PHGDH: variants seen among roughly 807,000 people sequenced by gnomAD.
PHGDH encodes the protein D-3-phosphoglycerate dehydrogenase.
Under a neutral mutation model 52.6 loss-of-function variants are expected in PHGDH, and 50 were observed. The observed-to-expected ratio is 0.95, with a 90% confidence interval of 0.76 to 1.20. PHGDH has a LOEUF of 1.20. Ranked by LOEUF, PHGDH falls within the 50% of genes most tolerant of loss-of-function variation. PHGDH has a pLI of 0.00. For missense variants in PHGDH, 630 were observed against 684.6 expected (o/e 0.92, Z 0.89); for synonymous variants, 271 against 280.5 (o/e 0.97, Z 0.34).
rs367917607 is a variant in PHGDH at position 119,741,916 on chromosome 1, C to T, written c.1209+19C>T. ...CCTCAATGTGCGCCCCTCTCCCCCA[C>T]GCTGCCTCCCCATCCCTGTCAGCAC... On this transcript the variant is annotated intron_variant, in intron 10 of 11. Transcript: ENST00000641023. 2.9e-4 allele frequency: 466 copies of T among 1,606,122 alleles called. 3 individuals are homozygous for T. In the Middle Eastern group the frequency reaches 0.017, roughly 59 times the overall value.
chr1:119,725,614 T>C (rs1298879576), intron 3 of PHGDH, among the ~76,000 whole-genome samples: 1 of 152,214 alleles, frequency 6.6e-6, no homozygotes, highest in Non-Finnish European at 1.5e-5. Flanking sequence ...GCCTCTGTGA[T>C]GGAGGACAGA....
At chr1:119,740,809 T>G (rs1018135273) in intron 9 of PHGDH, among the ~76,000 whole-genome samples, 2 of 152,188 alleles carry the variant, frequency 1.3e-5, no homozygotes, top group African/African-American at 2.4e-5. Flanking sequence ...GAGAGTTTCA[T>G]GCGAGAGGTC....
chr1:119,713,629 A>C (rs918135963), intron 1 of PHGDH, among the ~76,000 whole-genome samples: 6 of 152,202 alleles, frequency 3.9e-5, no homozygotes, highest in Admixed American at 2.6e-4. Flanking sequence ...GCAAGGGCTT[A>C]GGACTTGAGT....
At chr1:119,717,479 C>T (rs377249809) in intron 1 of PHGDH, among the ~76,000 whole-genome samples, 20 of 152,024 alleles carry the variant, frequency 1.3e-4, no homozygotes, top group African/African-American at 4.6e-4. Context: ...TTTCCCAATC[C>T]GAGTCATAAA....
chr1:119,740,270 G>A, intron 8 of PHGDH, 116 bp from the exon 9 acceptor site: 2 of 1,039,518 alleles, frequency 1.9e-6, no homozygotes, highest in South Asian at 1.4e-5. Context: ...CAGGCACCAA[G>A]GCAGGAGTGA....
At position 119,744,192 on chromosome 1, in the gene PHGDH, G is replaced by A. The variant is rs587635276; in HGVS notation, c.*152G>A. On this transcript the variant is annotated 3_prime_UTR_variant, in exon 12 of 12. Coordinates refer to ENST00000641023, the MANE Select transcript of PHGDH (RefSeq NM_006623.4). ...CTGACCCTGTAGTACAGCAATAACC[G>A]TCTAATAAAGAGCCTACCCCCAACT... 36 of 737,894 alleles carry A rather than the reference G, an allele frequency of 4.9e-5. No homozygotes were observed. The highest frequency in any genetic ancestry group is 4.3e-4 in the African/African-American group (25 of 58,520). 45.7% of individuals were successfully genotyped at this position (737,894 alleles called of 1,614,324 possible).
intron 3 of PHGDH, chr1:119,724,529 G>T (rs1651314978): frequency 2.8e-6 from 1 of 361,218 alleles, no homozygotes; most frequent in Non-Finnish European, 5.4e-6. Context: ...ACAGCAGTAG[G>T]GTCTCAGCCT....
chr1:119,742,069 G>A lies in PHGDH; in HGVS notation c.1209+172G>A. On this transcript the variant is annotated intron_variant, in intron 10 of 11. Transcript: ENST00000641023. ...CAACTGCAAAATGAAGATACTGCCT[G>A]GCCCCGAGTGTTGCTAATGGCACTG... is the stretch of plus-strand genomic sequence containing the variant. The A allele has an allele frequency of 6.1e-6, 4 of 650,462 alleles. No individual in the cohort carries two copies. In the South Asian group the frequency reaches 7.0e-5, roughly 11 times the overall value. The allele number at this position is 650,462 out of a possible 1,614,324, so 40.3% of individuals were successfully genotyped here.
At chr1:119,716,805 C>G (rs1156551003) in intron 1 of PHGDH, among the ~76,000 whole-genome samples, 1 of 152,020 alleles carries the variant, frequency 6.6e-6, no homozygotes, top group Non-Finnish European at 1.5e-5. Flanking sequence ...AAGAAATGAC[C>G]ACTAAAAATG....
At chr1:119,743,379 G>C (rs1652300334) in intron 11 of PHGDH, among the ~76,000 whole-genome samples, 2 of 152,192 alleles carry the variant, frequency 1.3e-5, no homozygotes, top group South Asian at 2.1e-4. Context: ...GGGACATTGA[G>C]TGCAGGTTTC....
rs1355536303 is a variant in PHGDH, at chr1:119,737,191, G to A, written c.870G>A (p.Glu290=). 1.9e-6 allele frequency: 3 copies of A among 1,614,210 alleles called. No homozygotes were observed. Among genetic ancestry groups the A allele is most frequent in the African/African-American group, 1.3e-5 (1 of 75,078 alleles). The change falls in exon 8 of 12, where the codon GAG becomes GAA. Residue 290 remains glutamate (E), a synonymous_variant. Transcript: ENST00000641023. ...CCCACCTGGGTGCCAGCACCAAGGA[G>A]GCTCAGAGCCGCTGTGGGGAGGAAA... is the stretch of plus-strand genomic sequence containing the variant. The part of the protein sequence containing the change: ...SCPHLGASTK[E]AQSRCGEEIA...
intron 5 of PHGDH, among the ~76,000 whole-genome samples, chr1:119,733,819 A>G (rs1283778472): frequency 6.6e-6 from 1 of 151,630 alleles, no homozygotes; most frequent in African/African-American, 2.4e-5. Flanking sequence ...TCCTGGGCTC[A>G]CTCTTTACAT....
At chr1:119,720,912 C>T (rs920111523) in intron 1 of PHGDH, 14 of 485,098 alleles carry the variant, frequency 2.9e-5, no homozygotes, top group Non-Finnish European at 3.8e-5. Flanking sequence ...GCCAATGCTG[C>T]CCTTTCTTGA....
chr1:119,742,547 C>T (rs587760820), intron 10 of PHGDH: 1 of 589,278 alleles, frequency 1.7e-6, no homozygotes, highest in Non-Finnish European at 3.0e-6. Context: ...TTTCTTTCCT[C>T]CCTGTTTTCC....
At chr1:119,733,180 C>T (rs888485238) in intron 5 of PHGDH, among the ~76,000 whole-genome samples, 1 of 152,070 alleles carries the variant, frequency 6.6e-6, no homozygotes, top group Non-Finnish European at 1.5e-5. Flanking sequence ...CCAAAACCTG[C>T]CTGATGGTTG....
intron 5 of PHGDH, among the ~76,000 whole-genome samples, chr1:119,728,628 C>T (rs2101178070): frequency 6.6e-6 from 1 of 152,292 alleles, no homozygotes; most frequent in Middle Eastern, 3.4e-3. Context: ...GTGCCACCCA[C>T]TTGGGCTAAT....
intron 3 of PHGDH, among the ~76,000 whole-genome samples, chr1:119,726,225 T>TGTTGG (rs1651407879): frequency 2.6e-5 from 3 of 114,274 alleles, no homozygotes; most frequent in Admixed American, 2.5e-4. Context: ...TGTGTGTGTG[T>TGTTGG]TGGTGGTGGT....
At chr1:119,724,790 G>C in intron 3 of PHGDH, 1 of 456,514 alleles carries the variant, frequency 2.2e-6, no homozygotes, top group Non-Finnish European at 4.4e-6. Context: ...TCCAGGACCA[G>C]CTTTGTTTAA....
chr1:119,742,066 C>T, intron 10 of PHGDH, 169 bp downstream of exon 10: 2 of 658,396 alleles, frequency 3.0e-6, no homozygotes, highest in South Asian at 1.7e-5. Context: ...GAAGATACTG[C>T]CTGGCCCCGA....
Sources: allele counts gnomAD v4.1 joint callset (sites outside exome capture counted in the v4.1 genomes callset), GRCh38; gene constraint gnomAD v4.1.1; transcripts MANE v1.5; gene names NCBI Gene and HGNC (gene_info 2026-07-23, HGNC 2026-07-21).